The following CAST variants were observed in gnomAD, a reference collection of about 807,000 sequenced individuals.
CAST encodes calpastatin, also known as MIR583 host.
Under a neutral mutation model 119.6 loss-of-function variants are expected in CAST, and 76 were observed. The ratio of observed to expected loss-of-function variants is 0.64; its 90% confidence interval spans 0.53 to 0.77. CAST has a LOEUF of 0.77. CAST is among the 30% of genes least tolerant of loss of function. The pLI is 0.00. For synonymous variants in CAST, 319 were observed against 331.6 expected (o/e 0.96, Z 0.41); for missense variants, 953 against 946.5 (o/e 1.01, Z -0.09).
At chr5:96,123,937 G>A in the CAST span, among the ~76,000 whole-genome samples, 4 of 151,808 alleles carry the variant, frequency 2.6e-5, no homozygotes, top group African/African-American at 9.7e-5. Context: ...TCTTTTTAGC[G>A]TCACAAGGCC....
the CAST span, among the ~76,000 whole-genome samples, chr5:96,010,295 T>C: frequency 6.6e-6 from 1 of 152,162 alleles, no homozygotes; most frequent in Non-Finnish European, 1.5e-5. Context: ...TGATTCCATA[T>C]GATTTTTAGA....
chr5:96,568,530 A>C (rs1367384303), intron 1 of CAST, among the ~76,000 whole-genome samples: 1 of 135,696 alleles, frequency 7.4e-6, no homozygotes, highest in African/African-American at 2.8e-5. Flanking sequence ...GCACCACTGC[A>C]CTCCAGCCTG....
At chr5:96,582,758 A>T (rs1473089701) in intron 1 of CAST, among the ~76,000 whole-genome samples, 2 of 152,224 alleles carry the variant, frequency 1.3e-5, no homozygotes, top group African/African-American at 2.4e-5. Context: ...AATTATTTTT[A>T]AAAAACTAAT....
upstream of CAST, among the ~76,000 whole-genome samples, chr5:96,527,680 G>T (rs184484638): frequency 1.5e-3 from 224 of 152,290 alleles, 1 homozygote; most frequent in African/African-American, 5.2e-3. Flanking sequence ...CTGCCCTTCT[G>T]AAACCTCTCA....
chr5:96,564,351 T>C (rs1446560655), intron 1 of CAST, among the ~76,000 whole-genome samples: 3 of 152,254 alleles, frequency 2.0e-5, no homozygotes. Context: ...CAACAAGATC[T>C]TCAAGCTGAC....
At chr5:96,455,140 G>GT in the CAST span, among the ~76,000 whole-genome samples, 1 of 152,202 alleles carries the variant, frequency 6.6e-6, no homozygotes, top group Non-Finnish European at 1.5e-5. Flanking sequence ...CACTCTGTAA[G>GT]ATAAACTGAA....
At chr5:96,699,895 A>G (rs1473868844) in intron 3 of CAST, among the ~76,000 whole-genome samples, 1 of 152,224 alleles carries the variant, frequency 6.6e-6, no homozygotes, top group Non-Finnish European at 1.5e-5. Context: ...ATTCAGCAAC[A>G]TTAGGCCTTT....
At chr5:95,996,445 A>G in the CAST span, among the ~76,000 whole-genome samples, 1 of 152,122 alleles carries the variant, frequency 6.6e-6, no homozygotes, top group Non-Finnish European at 1.5e-5. Context: ...TATTTTCATG[A>G]TATTGATACT....
intron 1 of CAST, among the ~76,000 whole-genome samples, chr5:96,575,955 G>T (rs928758801): frequency 6.6e-6 from 1 of 152,208 alleles, no homozygotes; most frequent in East Asian, 1.9e-4. Context: ...TGCTTCAATT[G>T]ATATGACCAT....
At chr5:96,555,592 T>C (rs1299515672) in intron 1 of CAST, among the ~76,000 whole-genome samples, 1 of 152,200 alleles carries the variant, frequency 6.6e-6, no homozygotes, top group African/African-American at 2.4e-5. Context: ...CGCACCTGGC[T>C]TGAAGGGTCC....
At chr5:95,961,494 C>T in the CAST span, 2 of 1,352,602 alleles carry the variant, frequency 1.5e-6, no homozygotes, top group Non-Finnish European at 1.9e-6. Flanking sequence ...ACGGCTCCGC[C>T]GGCCCCGCAC....
At chr5:96,580,543 T>C (rs1192975599) in intron 1 of CAST, among the ~76,000 whole-genome samples, 1 of 152,214 alleles carries the variant, frequency 6.6e-6, no homozygotes, top group Non-Finnish European at 1.5e-5. Flanking sequence ...ATTAGCTGGG[T>C]ATCTTGTAAA....
chr5:96,007,998 T>C, the CAST span, among the ~76,000 whole-genome samples: 4 of 151,028 alleles, frequency 2.6e-5, 2 homozygotes, highest in East Asian at 7.9e-4. Context: ...AGAAAGGCCA[T>C]GTGAGAGTGC....
At chr5:96,170,181 G>A in the CAST span, among the ~76,000 whole-genome samples, 19 of 152,340 alleles carry the variant, frequency 1.2e-4, no homozygotes, top group Non-Finnish European at 2.5e-4. Flanking sequence ...AATCTGGGAA[G>A]GAGTCAGTCA....
the CAST span, among the ~76,000 whole-genome samples, chr5:96,350,234 G>GGT: frequency 1.3e-5 from 2 of 152,120 alleles, no homozygotes; most frequent in Non-Finnish European, 2.9e-5. Flanking sequence ...ATTGTTAGAA[G>GGT]GTGTGTGTAG....
the CAST span, among the ~76,000 whole-genome samples, chr5:96,369,692 TGA>T: frequency 6.6e-6 from 1 of 152,166 alleles, no homozygotes; most frequent in Non-Finnish European, 1.5e-5. Context: ...GAAATGTGGC[TGA>T]GAGTCTCAAC....
the CAST span, among the ~76,000 whole-genome samples, chr5:96,121,618 C>T: frequency 6.6e-6 from 1 of 152,140 alleles, no homozygotes; most frequent in Non-Finnish European, 1.5e-5. Flanking sequence ...TACAATTGAT[C>T]ATCCTAGTCT....
chr5:95,996,812 G>A, the CAST span, among the ~76,000 whole-genome samples: 3 of 151,980 alleles, frequency 2.0e-5, no homozygotes, highest in East Asian at 1.9e-4. Context: ...GATGCACATG[G>A]TCCATAGATC....
chr5:96,141,758 G>A, the CAST span, among the ~76,000 whole-genome samples: 1 of 152,200 alleles, frequency 6.6e-6, no homozygotes, highest in Non-Finnish European at 1.5e-5. Flanking sequence ...GTTGTTTATG[G>A]AGATGGTTTG....
Sources: gnomAD v4.1 joint callset for allele counts (sites outside exome capture counted in the v4.1 genomes callset) on GRCh38, gnomAD v4.1.1 for gene constraint, MANE v1.5 for transcripts, NCBI Gene and HGNC (gene_info 2026-07-23, HGNC 2026-07-21) for gene names.